Variants in DLGAP2 observed in about 807,000 individuals in gnomAD.
DLGAP2 encodes the protein disks large-associated protein 2.
DLGAP2 carries 26 observed loss-of-function variants against 100.3 expected under a neutral mutation model. The ratio of observed to expected loss-of-function variants is 0.26; its 90% CI spans 0.19 to 0.36. The LOEUF is 0.36. Among genes scored for constraint, DLGAP2 ranks in the 10% least tolerant of loss-of-function variants. DLGAP2 has a pLI of 1.00. For missense variants in DLGAP2, 1,858 were observed against 1,453.2 expected, an observed-to-expected ratio of 1.28 and a Z score of -4.53; for synonymous variants, 886 against 630.1, an observed-to-expected ratio of 1.41 and a Z score of -6.08.
rs371382256 is a variant in DLGAP2 at position 1,209,629 on chromosome 8, G to A, written c.74-49222G>A. 2.1e-4 allele frequency among the ~76,000 whole-genome samples: 32 copies of A among 152,320 alleles called. No individual in the cohort carries two copies. In the South Asian group the frequency reaches 6.2e-3, roughly 30 times the overall value. On this transcript the variant is annotated intron_variant, in intron 2 of 14. Coordinates refer to ENST00000637795, the MANE Select transcript of DLGAP2 (RefSeq NM_001346810.2). Reference sequence around the variant, plus strand: ...AGATGGGGTTTTAGGGAGGTAATTAGTCTTAGGTGATGTCATGAGAGTAAC... The same window carrying A: ...AGATGGGGTTTTAGGGAGGTAATTAATCTTAGGTGATGTCATGAGAGTAAC...
chr8:1,177,926 C>T (rs928668377), intron 2 of DLGAP2, among the ~76,000 whole-genome samples: 2 of 152,196 alleles, frequency 1.3e-5, no homozygotes, highest in African/African-American at 4.8e-5. Flanking sequence ...GCCAGCAAAG[C>T]CTTCAGGAAG....
intron 2 of DLGAP2, among the ~76,000 whole-genome samples, chr8:954,089 G>T (rs190526505): frequency 6.6e-6 from 1 of 152,254 alleles, no homozygotes; most frequent in Admixed American, 6.5e-5. Flanking sequence ...TAGTTTTGAC[G>T]TCTTGAACCC....
At chr8:1,433,167 A>G (rs960925272) in intron 3 of DLGAP2, among the ~76,000 whole-genome samples, 2 of 152,204 alleles carry the variant, frequency 1.3e-5, no homozygotes, top group Non-Finnish European at 2.9e-5. Flanking sequence ...AAGCCCCTCC[A>G]GGAACGTGCG....
At chr8:856,511 T>C (rs1797281463) in intron 1 of DLGAP2, among the ~76,000 whole-genome samples, 1 of 152,156 alleles carries the variant, frequency 6.6e-6, no homozygotes, top group African/African-American at 2.4e-5. Context: ...CTGAAACTAA[T>C]AAACAGTTTT....
chr8:925,733 G>C (rs898636673), intron 2 of DLGAP2, among the ~76,000 whole-genome samples: 1 of 152,130 alleles, frequency 6.6e-6, no homozygotes, highest in African/African-American at 2.4e-5. Context: ...TTGTTAAAAG[G>C]AATTGGCTCA....
At chr8:1,626,691 T>C in intron 6 of DLGAP2, 49 bp from the exon 7 acceptor site, 1 of 1,556,926 alleles carries the variant, frequency 6.4e-7, no homozygotes, top group Non-Finnish European at 8.7e-7. Context: ...ACCTCTGCCC[T>C]GCAGCGGGTG....
chr8:746,316 T>C (rs1241672184), intron 1 of DLGAP2, among the ~76,000 whole-genome samples: 4 of 152,246 alleles, frequency 2.6e-5, no homozygotes, highest in Non-Finnish European at 5.9e-5. Flanking sequence ...GTTACTCATA[T>C]TAACTCATAG....
intron 3 of DLGAP2, among the ~76,000 whole-genome samples, chr8:1,319,169 G>A (rs1488050578): frequency 6.6e-6 from 1 of 152,130 alleles, no homozygotes; most frequent in African/African-American, 2.4e-5. Context: ...CAGTGCCTGG[G>A]GCCCCCATGG....
chr8:1,453,955 G>C lies in DLGAP2; in HGVS notation c.107-47411G>C, dbSNP rs375132676. On this transcript the variant is annotated intron_variant, in intron 3 of 14. Coordinates refer to ENST00000637795, the MANE Select transcript of DLGAP2 (RefSeq NM_001346810.2). ...ATGTGGACATGTGCACAGATACAAAGCCAGATGTGGCGTGTGGCGCAGGCG... is the reference window on the plus strand; with the variant it reads ...ATGTGGACATGTGCACAGATACAAACCCAGATGTGGCGTGTGGCGCAGGCG... Among the ~76,000 whole-genome samples the C allele has an allele frequency of 5.9e-5, 9 of 152,356 alleles. No homozygotes were observed. The East Asian group carries it at 1.7e-3, about 29-fold the overall frequency.
intron 2 of DLGAP2, among the ~76,000 whole-genome samples, chr8:1,018,194 CT>C (rs936047874): frequency 5.9e-5 from 9 of 152,216 alleles, no homozygotes; most frequent in Admixed American, 1.3e-4. Flanking sequence ...ATCCCTGCCC[CT>C]ATAGGCCCTC....
At chr8:1,179,199 G>A (rs1797327327) in intron 2 of DLGAP2, among the ~76,000 whole-genome samples, 1 of 152,246 alleles carries the variant, frequency 6.6e-6, no homozygotes. Flanking sequence ...GGCAAAGCCT[G>A]TTGTTTTTCT....
At chr8:825,464 G>T (rs1260211071) in intron 1 of DLGAP2, among the ~76,000 whole-genome samples, 1 of 152,156 alleles carries the variant, frequency 6.6e-6, no homozygotes, top group African/African-American at 2.4e-5. Context: ...TGAGTGCCAG[G>T]CAGTCTTCAG....
intron 2 of DLGAP2, among the ~76,000 whole-genome samples, chr8:1,121,137 T>G: frequency 6.8e-6 from 1 of 146,574 alleles, no homozygotes; most frequent in Admixed American, 6.8e-5. Flanking sequence ...CCTCGTCCAG[T>G]TAGAAGCCAT....
intron 1 of DLGAP2, among the ~76,000 whole-genome samples, chr8:881,331 C>A (rs778352977): frequency 6.6e-6 from 1 of 151,962 alleles, no homozygotes; most frequent in Admixed American, 6.6e-5. Flanking sequence ...ACGTTTGCCC[C>A]GATAATTTGA....
chr8:1,429,987 G>A (rs1797365744), intron 3 of DLGAP2, among the ~76,000 whole-genome samples: 2 of 30,592 alleles, frequency 6.5e-5, no homozygotes, highest in South Asian at 3.1e-3. Flanking sequence ...AAAGCAGAAG[G>A]GGAGAGATGC....
At chr8:1,257,281 G>C (rs925654828) in intron 2 of DLGAP2, among the ~76,000 whole-genome samples, 1 of 152,186 alleles carries the variant, frequency 6.6e-6, no homozygotes, top group South Asian at 2.1e-4. Flanking sequence ...CAGCCACCAA[G>C]GTCACCTTCC....
At chr8:897,924 C>G (rs1798176435) in intron 1 of DLGAP2, among the ~76,000 whole-genome samples, 1 of 152,162 alleles carries the variant, frequency 6.6e-6, no homozygotes, top group East Asian at 1.9e-4. Flanking sequence ...CAGCGAGTTG[C>G]TGTGTTCCCT....
At chr8:1,414,087 G>T (rs1796809963) in intron 3 of DLGAP2, among the ~76,000 whole-genome samples, 1 of 152,180 alleles carries the variant, frequency 6.6e-6, no homozygotes, top group Non-Finnish European at 1.5e-5. Flanking sequence ...TTGGGGAAAG[G>T]CATTCTTTCA....
intron 6 of DLGAP2, among the ~76,000 whole-genome samples, chr8:1,594,116 C>G (rs944084215): frequency 6.6e-6 from 1 of 152,142 alleles, no homozygotes; most frequent in African/African-American, 2.4e-5. Flanking sequence ...TTGGCTGAGA[C>G]CCTCAGAATC....
Sources: allele counts gnomAD v4.1 joint callset (sites outside exome capture counted in the v4.1 genomes callset), GRCh38; gene constraint gnomAD v4.1.1; transcripts MANE v1.5; gene names NCBI Gene and HGNC (gene_info 2026-07-23, HGNC 2026-07-21).